EFHC2: variants seen among roughly 807,000 people sequenced by gnomAD.
The protein encoded by EFHC2 is EF-hand domain containing 2.
EFHC2 carries 18 observed loss-of-function variants against 52.7 expected under a neutral mutation model. That is an observed-to-expected ratio of 0.34 (90% CI 0.24 to 0.51). The LOEUF is 0.51. Ranked by LOEUF, EFHC2 falls within the 20% of genes least tolerant of loss-of-function variation. EFHC2 has a pLI of 0.97. For synonymous variants in EFHC2, 203 were observed against 204.1 expected (o/e 0.99, Z 0.04); for missense variants, 513 against 562.5 (o/e 0.91, Z 0.89).
intron 11 of EFHC2, among the ~76,000 whole-genome samples, chrX:44,220,337 C>T (rs911389800): frequency 3.6e-5 from 4 of 111,736 alleles, no homozygotes; most frequent in Non-Finnish European, 7.5e-5. Flanking sequence ...GTGACTAGTG[C>T]TAGCCAATAA....
At chrX:44,234,599 G>A (rs775254423) in intron 9 of EFHC2, among the ~76,000 whole-genome samples, 9 of 111,654 alleles carry the variant, frequency 8.1e-5, no homozygotes, top group Non-Finnish European at 1.3e-4. Flanking sequence ...TACAAATCAG[G>A]GCTTTTAAAA....
rs371172012 is a variant in EFHC2 at position 44,232,563 on chromosome X, G to A, written c.1538C>T (p.Thr513Met). ...AAATAGGTAACCATTCACATTCACC[G>A]TGACTCCAATGTACAGCTCCTCGGC... ...IKAEELYIGV[T>M]VNVNGYLFRL... The change falls in exon 10 of 15, where the codon ACG becomes ATG. Residue 513 changes from threonine to methionine, a missense_variant. Coordinates refer to ENST00000420999, the MANE Select transcript of EFHC2 (RefSeq NM_025184.4). 3.5e-5 allele frequency: 41 copies of A among 1,188,182 alleles called. No homozygotes were observed. Among genetic ancestry groups the A allele is most frequent in the Non-Finnish European group, 3.8e-5 (34 of 883,512 alleles).
chrX:44,283,910 T>C (rs1192094781), intron 2 of EFHC2: 4 of 108,068 alleles, frequency 3.7e-5, no homozygotes, highest in Non-Finnish European at 5.7e-5. Flanking sequence ...GCCCTCCAGC[T>C]CTGGGGCCCG....
At chrX:44,200,248 G>C (rs1265140839) in intron 11 of EFHC2, among the ~76,000 whole-genome samples, 2 of 111,339 alleles carry the variant, frequency 1.8e-5, no homozygotes, top group African/African-American at 6.5e-5. Flanking sequence ...AGCAACAAAG[G>C]AACAATGAAG....
intron 14 of EFHC2, among the ~76,000 whole-genome samples, chrX:44,152,388 C>T (rs183730430): frequency 1.8e-5 from 2 of 111,876 alleles, no homozygotes; most frequent in Admixed American, 9.5e-5. Context: ...TGCTCGTCTG[C>T]GGGGCTACCC....
chrX:44,343,615 T>C lies in EFHC2; in HGVS notation c.-27A>G. 2.6e-6 allele frequency: 3 copies of C among 1,153,002 alleles called. No individual in the cohort carries two copies. Among genetic ancestry groups the C allele is most frequent in the Non-Finnish European group, 2.3e-6 (2 of 868,757 alleles). The stretch of plus-strand genomic sequence containing the variant: ...GCGCTCAGTGTCCGAAAATCCAGGG[T>C]CCCAGAAGAGAGGGCCCGGCAGGCA... On this transcript the variant is annotated 5_prime_UTR_variant, in exon 1 of 15. Coordinates refer to ENST00000420999, the MANE Select transcript of EFHC2 (RefSeq NM_025184.4).
chrX:44,235,968 G>A (rs371834042), intron 8 of EFHC2, among the ~76,000 whole-genome samples: 218 of 109,711 alleles, frequency 2.0e-3, no homozygotes, highest in African/African-American at 6.9e-3. Context: ...TCCTTCAAGG[G>A]AAAAATTAAC....
chrX:44,284,792 C>A (rs1004979344), intron 2 of EFHC2: 1 of 112,049 alleles, frequency 8.9e-6, no homozygotes, highest in African/African-American at 3.2e-5. Context: ...ACTTAGCAAC[C>A]AAAGTAGAGT....
intron 2 of EFHC2, among the ~76,000 whole-genome samples, chrX:44,274,321 T>C (rs746032118): frequency 2.7e-5 from 3 of 111,947 alleles, no homozygotes; most frequent in African/African-American, 9.7e-5. Context: ...CTAAACCCCA[T>C]TGCTAGAATG....
intron 11 of EFHC2, among the ~76,000 whole-genome samples, chrX:44,215,531 G>A (rs184026832): frequency 2.1e-5 from 2 of 94,956 alleles, no homozygotes; most frequent in Non-Finnish European, 3.9e-5. Flanking sequence ...ACTTCCATTG[G>A]GGGGGGGTGG....
intron 2 of EFHC2, among the ~76,000 whole-genome samples, chrX:44,283,532 CTTT>C (rs3049061): frequency 0.03 from 2,680 of 88,510 alleles, 132 homozygotes; most frequent in African/African-American, 0.12. Context: ...ACGGAAGTAC[CTTT>C]TTTTTTTTTT....
intron 1 of EFHC2, among the ~76,000 whole-genome samples, chrX:44,326,029 G>A (rs1053289566): frequency 1.5e-4 from 16 of 107,773 alleles, no homozygotes; most frequent in African/African-American, 5.4e-4. Context: ...AGTAGCTTGG[G>A]ACTACAGGTA....
chrX:44,283,394 G>A (rs1488096106), intron 2 of EFHC2, among the ~76,000 whole-genome samples: 1 of 111,456 alleles, frequency 9.0e-6, no homozygotes, highest in African/African-American at 3.3e-5. Flanking sequence ...GTGTTAGCCA[G>A]GATGGTCTCT....
chrX:44,216,578 G>A (rs907387274), intron 11 of EFHC2, among the ~76,000 whole-genome samples: 5 of 111,304 alleles, frequency 4.5e-5, no homozygotes, highest in Non-Finnish European at 9.4e-5. Context: ...AAGCCCACTC[G>A]AGATTCAAGG....
At chrX:44,220,636 T>C (rs980460607) in intron 11 of EFHC2, among the ~76,000 whole-genome samples, 3 of 111,904 alleles carry the variant, frequency 2.7e-5, no homozygotes, top group African/African-American at 9.7e-5. Flanking sequence ...TCAAACATTT[T>C]TTCTGTTATG....
rs138889634 is a variant in EFHC2, at chrX:44,244,162, T to C, written c.1112-1873A>G. Among the ~76,000 whole-genome samples the C allele has an allele frequency of 3.3e-3, 374 of 112,183 alleles. 1 individual carries two copies. The highest frequency in any genetic ancestry group is 9.2e-3 in the South Asian group (25 of 2,706). Reference sequence around the variant, plus strand: ...ATATAATTTTTGCAACAGATTTAAGTAACAAAAGAACCAATTTAGAGCTTT... The same window carrying C: ...ATATAATTTTTGCAACAGATTTAAGCAACAAAAGAACCAATTTAGAGCTTT... On this transcript the variant is annotated intron_variant, in intron 7 of 14. Coordinates refer to ENST00000420999, the MANE Select transcript of EFHC2 (RefSeq NM_025184.4).
At chrX:44,233,756 G>A (rs1186013014) in intron 9 of EFHC2, among the ~76,000 whole-genome samples, 2 of 111,642 alleles carry the variant, frequency 1.8e-5, no homozygotes, top group African/African-American at 6.5e-5. Flanking sequence ...GTCGCCTATA[G>A]TGGGGAACAT....
intron 11 of EFHC2, among the ~76,000 whole-genome samples, chrX:44,214,440 A>C (rs1442482213): frequency 8.9e-6 from 1 of 112,544 alleles, no homozygotes; most frequent in African/African-American, 3.2e-5. Flanking sequence ...ACACCATGCA[A>C]GCAAGAAGAG....
chrX:44,271,699 G>A (rs1569298012), intron 3 of EFHC2, among the ~76,000 whole-genome samples: 1 of 110,147 alleles, frequency 9.1e-6, no homozygotes, highest in Non-Finnish European at 1.9e-5. Context: ...CCTCTCCTCC[G>A]CCCCTACACC....
Sources: allele counts gnomAD v4.1 joint callset (sites outside exome capture counted in the v4.1 genomes callset), GRCh38; gene constraint gnomAD v4.1.1; transcripts MANE v1.5; gene names NCBI Gene and HGNC (gene_info 2026-07-23, HGNC 2026-07-21).